UBE2H: variants seen among roughly 807,000 people sequenced by gnomAD.
UBE2H encodes the protein ubiquitin conjugating enzyme E2 H, also known as ubiquitin-conjugating enzyme E2 H.
In UBE2H, 3 loss-of-function variants were observed where a neutral mutation model predicts 29.0. The ratio of observed to expected loss-of-function variants is 0.10; its 90% CI spans 0.05 to 0.27. The LOEUF is 0.27. Ranked by LOEUF, UBE2H falls within the 10% of genes least tolerant of loss-of-function variation. The pLI is 1.00. For missense variants in UBE2H, 68 were observed against 228.2 expected, an observed-to-expected ratio of 0.30 and a Z score of 4.52; for synonymous variants, 69 against 82.9, an observed-to-expected ratio of 0.83 and a Z score of 0.91.
In UBE2H at chr7:129,850,772, G is replaced by A. The variant is rs547597673; in HGVS notation, c.298+6739C>T. On this transcript the variant is annotated intron_variant, in intron 5 of 6. Transcript: ENST00000355621. ...AGAGGTTACAGTGAGCCGAGATTGC[G>A]CCACTGCACTCCAGCCTGGGCGACA... Among the ~76,000 whole-genome samples the A allele has an allele frequency of 1.7e-3, 248 of 149,746 alleles. 1 individual carries two copies. Among genetic ancestry groups the A allele is most frequent in the African/African-American group, 5.4e-3 (220 of 40,684 alleles).
At chr7:129,909,304 T>C (rs1040243958) in intron 1 of UBE2H, among the ~76,000 whole-genome samples, 4 of 152,142 alleles carry the variant, frequency 2.6e-5, no homozygotes, top group East Asian at 3.9e-4. Context: ...GCCCCACTGA[T>C]ACCTAGAGAG....
At chr7:129,935,432 A>C (rs1021304584) in intron 1 of UBE2H, among the ~76,000 whole-genome samples, 2 of 150,742 alleles carry the variant, frequency 1.3e-5, no homozygotes, top group African/African-American at 4.9e-5. Context: ...AAAAAAAAAC[A>C]GAAAAGAAAA....
chr7:129,921,739 T>C (rs1771110129), intron 1 of UBE2H, among the ~76,000 whole-genome samples: 1 of 147,736 alleles, frequency 6.8e-6, no homozygotes, highest in Non-Finnish European at 1.5e-5. Context: ...ATTATTAGAA[T>C]GAATGAGAAC....
intron 1 of UBE2H, among the ~76,000 whole-genome samples, chr7:129,910,814 G>A (rs1016918048): frequency 3.3e-5 from 5 of 152,212 alleles, no homozygotes; most frequent in African/African-American, 7.2e-5. Flanking sequence ...CCCGGGAAGC[G>A]GAGGTTGCAG....
intron 3 of UBE2H, among the ~76,000 whole-genome samples, chr7:129,871,692 C>A (rs1000981671): frequency 9.6e-5 from 13 of 135,796 alleles, no homozygotes; most frequent in African/African-American, 2.8e-4. Context: ...CCAGCCTGCA[C>A]AACAGAACAA....
In UBE2H at chr7:129,862,254, G is replaced by A. The variant is rs907439276; in HGVS notation, c.206-3313C>T. Among the ~76,000 whole-genome samples, 7 of 152,144 alleles carry A rather than the reference G, an allele frequency of 4.6e-5. No homozygotes were observed. In the East Asian group the frequency reaches 5.8e-4, roughly 13 times the overall value. On this transcript the variant is annotated intron_variant, in intron 3 of 6. Transcript: ENST00000355621. ...AGCTACTATTAAGAATTAAAAATAC[G>A]TTCTTGATACTTAAAATCCTGCCTC...
At position 129,832,264 on chromosome 7, in the gene UBE2H, A is replaced by C. The variant is rs1805242150; in HGVS notation, c.*2673T>G. On this transcript the variant is annotated 3_prime_UTR_variant, in exon 7 of 7. Transcript: ENST00000355621. The stretch of plus-strand genomic sequence containing the variant: ...AAGGGACTCTGTTCAACCCAGCAAA[A>C]GTCAGTTTCCCAGTGGAGAGGCAAA... 6.6e-6 allele frequency: 1 copy of C among 152,368 alleles called. No individual in the cohort carries two copies. Among genetic ancestry groups the C allele is most frequent in the African/African-American group, 2.4e-5 (1 of 41,456 alleles). The allele number at this position is 152,368 out of a possible 1,614,324, so 9.4% of individuals were successfully genotyped here.
At chr7:129,907,204 T>C (rs779261595) in intron 1 of UBE2H, among the ~76,000 whole-genome samples, 5 of 152,158 alleles carry the variant, frequency 3.3e-5, no homozygotes, top group Non-Finnish European at 7.4e-5. Flanking sequence ...TTTACAACTT[T>C]GTTGGGTAAG....
At chr7:129,904,270 T>C (rs757783926) in intron 1 of UBE2H, among the ~76,000 whole-genome samples, 83 of 151,944 alleles carry the variant, frequency 5.5e-4, no homozygotes, top group Non-Finnish European at 1.0e-3. Context: ...CTGATTCTTA[T>C]CCTTTAAGGT....
chr7:129,837,327 G>A (rs995750758), intron 6 of UBE2H, among the ~76,000 whole-genome samples: 2 of 152,178 alleles, frequency 1.3e-5, no homozygotes, highest in Non-Finnish European at 2.9e-5. Flanking sequence ...CCACATTTAG[G>A]AAATGGAATG....
intron 1 of UBE2H, chr7:129,948,879 A>C (rs1309167369): frequency 2.7e-5 from 9 of 333,960 alleles, no homozygotes; most frequent in Non-Finnish European, 5.6e-5. Context: ...TCGAAAACAC[A>C]CTTGTTCCTG....
chr7:129,837,005 G>A lies in UBE2H; in HGVS notation c.428-1944C>T, dbSNP rs3807115. On this transcript the variant is annotated intron_variant, in intron 6 of 6. Transcript: ENST00000355621. ...CCAGCAAAGGGTTTTGAGCAGGGAA[G>A]TGACAGCTTTAGACAGCTCCAATGG... Among the ~76,000 whole-genome samples the A allele has an allele frequency of 3.6e-4, 54 of 151,774 alleles. No homozygotes were observed. The East Asian group carries it at 0.01, about 28-fold the overall frequency.
chr7:129,848,356 A>G (rs78244553), intron 5 of UBE2H, among the ~76,000 whole-genome samples: 9,674 of 152,268 alleles, frequency 0.064, 368 homozygotes, highest in Non-Finnish European at 0.091. Context: ...CTCCCTCTGG[A>G]GGAGGACTCC....
intron 1 of UBE2H, among the ~76,000 whole-genome samples, chr7:129,935,109 T>C (rs891539818): frequency 6.6e-6 from 1 of 151,310 alleles, no homozygotes; most frequent in African/African-American, 2.4e-5. Flanking sequence ...GAAATATATA[T>C]AGATAAATAT....
chr7:129,939,345 A>G (rs1233960843), intron 1 of UBE2H, among the ~76,000 whole-genome samples: 1 of 152,150 alleles, frequency 6.6e-6, no homozygotes, highest in African/African-American at 2.4e-5. Context: ...AGCGAAAGTG[A>G]GCATTTGTTA....
intron 1 of UBE2H, among the ~76,000 whole-genome samples, chr7:129,915,431 G>A (rs935130291): frequency 3.9e-5 from 6 of 152,156 alleles, no homozygotes; most frequent in African/African-American, 1.4e-4. Flanking sequence ...CTACTTGGGA[G>A]GCTGAGGCAG....
chr7:129,893,569 G>A (rs1260501387), intron 1 of UBE2H, among the ~76,000 whole-genome samples: 1 of 152,148 alleles, frequency 6.6e-6, no homozygotes, highest in East Asian at 1.9e-4. Context: ...GAAAAATAAT[G>A]ATACCATCTT....
chr7:129,839,298 T>A lies in UBE2H; in HGVS notation c.336A>T (p.Leu112Phe). The A allele has an allele frequency of 6.2e-7, 1 of 1,613,722 alleles. No individual in the cohort carries two copies. Among genetic ancestry groups the A allele is most frequent in the Non-Finnish European group, 8.5e-7 (1 of 1,179,902 alleles). ...TNIFESFLPQLLAYPNPIDPL... is the reference protein window; with the variant it reads ...TNIFESFLPQFLAYPNPIDPL... ...GATCTATGGGGTTAGGATAGGCCAA[T>A]AACTGAGGCAGGAAGGACTCAAATA... The change falls in exon 6 of 7, where the codon TTA (leucine) becomes TTT (phenylalanine). Residue 112 changes from leucine to phenylalanine, a missense_variant. Physicochemically the swap from Leu to Phe is conservative, Grantham distance 22. Around this residue, in one of 3 missense-constraint regions of UBE2H, gnomAD observed 40 missense variants for 174.1 expected, o/e 0.23. Transcript: ENST00000355621.
At chr7:129,942,027 T>C (rs532136610) in intron 1 of UBE2H, among the ~76,000 whole-genome samples, 1 of 151,852 alleles carries the variant, frequency 6.6e-6, no homozygotes, top group East Asian at 1.9e-4. Context: ...TTGGCCAACA[T>C]GGCGCAACCC....
Sources: gnomAD v4.1 joint callset for allele counts (sites outside exome capture counted in the v4.1 genomes callset) on GRCh38, gnomAD v4.1.1 for gene constraint, gnomAD v4.1.1 regional missense constraint, MANE v1.5 for transcripts, NCBI Gene and HGNC (gene_info 2026-07-23, HGNC 2026-07-21) for gene names.